ALS2: variants seen among roughly 807,000 people sequenced by gnomAD.
The protein encoded by ALS2 is alsin.
Under a neutral mutation model 203.4 loss-of-function variants are expected in ALS2, and 117 were observed. That is an observed-to-expected ratio of 0.58 (90% CI 0.50 to 0.67). The LOEUF (loss-of-function observed/expected upper bound fraction) is 0.67. ALS2 is among the 30% of genes least tolerant of loss of function. The pLI is 0.00. For missense variants in ALS2, 1,715 were observed against 1,989.4 expected (o/e 0.86, Z 2.62); for synonymous variants, 718 against 725.9 (o/e 0.99, Z 0.17).
intron 23 of ALS2, chr2:201,720,028 C>T (rs548720035): frequency 1.5e-5 from 5 of 343,770 alleles, no homozygotes; most frequent in Non-Finnish European, 2.8e-5. Flanking sequence ...GTGAATTCTC[C>T]CAAACATTCA....
At position 201,738,722 on chromosome 2, in the gene ALS2, T is replaced by C. The variant is rs1692046634; in HGVS notation, c.2365A>G (p.Ile789Val). 5.6e-6 allele frequency: 9 copies of C among 1,614,030 alleles called. No individual in the cohort carries two copies. Among genetic ancestry groups the C allele is most frequent in the East Asian group, 2.2e-5 (1 of 44,872 alleles). The change falls in exon 12 of 34, where the codon ATT becomes GTT. Residue 789 changes from isoleucine to valine, a missense_variant. Coordinates refer to ENST00000264276, the MANE Select transcript of ALS2 (RefSeq NM_020919.4). ...LDSYTEYCTS[I>V]TNFLVMGGFQ... is the part of the protein sequence containing the mutation. ...CCTCCCATAACCAGGAAATTTGTAA[T>C]AGATGTGCAATACCTTGAGCAGAAA...
At position 201,767,220 on chromosome 2, in the gene ALS2, T is replaced by C; in HGVS notation, c.175+9A>G. On this transcript the variant is annotated intron_variant, in intron 3 of 33. Coordinates refer to ENST00000264276, the MANE Select transcript of ALS2 (RefSeq NM_020919.4). ...CAGTTCGTATTTGTTACGCCATTCT[T>C]TTCATTACCTTCAGTCAGAAGAACT... 6.2e-7 allele frequency: 1 copy of C among 1,614,068 alleles called. No homozygotes were observed. Among genetic ancestry groups the C allele is most frequent in the South Asian group, 1.1e-5 (1 of 91,072 alleles).
chr2:201,757,832 G>A, intron 4 of ALS2, 73 bp from the exon 5 acceptor site: 1 of 1,195,254 alleles, frequency 8.4e-7, no homozygotes, highest in South Asian at 1.4e-5. Context: ...TAAAAAGAAA[G>A]GCTAATATCC....
chr2:201,705,299 GA>G, intron 30 of ALS2, 99 bp from the exon 31 acceptor site: 1 of 1,463,010 alleles, frequency 6.8e-7, no homozygotes, highest in Non-Finnish European at 9.6e-7. Flanking sequence ...GGTAATAACA[GA>G]TGCAAACACA....
chr2:201,726,614 A>G lies in ALS2; in HGVS notation c.3182+50T>C, dbSNP rs768383805. On this transcript the variant is annotated intron_variant, in intron 18 of 33. Coordinates refer to ENST00000264276, the MANE Select transcript of ALS2 (RefSeq NM_020919.4). ...ATTTCAGATAATTAATACTTTTTCT[A>G]TCATGTGATGATCATCCTCACCCCA... 5 of 1,608,850 alleles carry G rather than the reference A, an allele frequency of 3.1e-6. No individual in the cohort carries two copies. The Admixed American group carries it at 6.7e-5, about 21-fold the overall frequency.
chr2:201,710,060 G>T, intron 26 of ALS2, 22 bp from the exon 27 acceptor site: 1 of 1,613,224 alleles, frequency 6.2e-7, no homozygotes, highest in South Asian at 1.1e-5. Context: ...AAGAATCAAT[G>T]AAGTCAGTTG....
intron 28 of ALS2, among the ~76,000 whole-genome samples, chr2:201,707,239 A>T (rs918854056): frequency 6.6e-6 from 1 of 152,190 alleles, no homozygotes; most frequent in Non-Finnish European, 1.5e-5. Flanking sequence ...ATGAATTAAA[A>T]ATCTCACTGA....
intron 2 of ALS2, among the ~76,000 whole-genome samples, 164 bp from the exon 3 acceptor site, chr2:201,767,547 G>A (rs1016775088): frequency 6.6e-6 from 1 of 152,052 alleles, no homozygotes; most frequent in African/African-American, 2.4e-5. Context: ...CAGAAGCCAA[G>A]GTAAAACAAC....
chr2:201,735,412 TAATC>T (rs1691814938), intron 12 of ALS2, among the ~76,000 whole-genome samples: 1 of 152,180 alleles, frequency 6.6e-6, no homozygotes, highest in Non-Finnish European at 1.5e-5. Flanking sequence ...ACTTGCATAA[TAATC>T]AAACCACCAG....
intron 11 of ALS2, 52 bp downstream of exon 11, chr2:201,741,622 T>C: frequency 6.4e-7 from 1 of 1,572,552 alleles, no homozygotes; most frequent in Non-Finnish European, 8.7e-7. Context: ...GCTGTTCTCC[T>C]TGGCAGAATA....
intron 13 of ALS2, among the ~76,000 whole-genome samples, 169 bp from the exon 14 acceptor site, chr2:201,729,352 G>A (rs1006687065): frequency 3.9e-5 from 6 of 152,096 alleles, no homozygotes; most frequent in Admixed American, 6.5e-5. Flanking sequence ...ATTGGTTTCA[G>A]AAAAATTCTA....
At chr2:201,723,616 A>G (rs1368242220) in intron 21 of ALS2, among the ~76,000 whole-genome samples, 175 bp from the exon 22 acceptor site, 2 of 152,204 alleles carry the variant, frequency 1.3e-5, no homozygotes, top group African/African-American at 2.4e-5. Context: ...ATAGCAAAAG[A>G]CATCTCACTC....
Position 201,707,956 on chromosome 2 carries a change from G to T in ALS2, c.4316C>A (p.Thr1439Lys). The change falls in exon 28 of 34, where the codon ACA (threonine) becomes AAA (lysine). Residue 1439 changes from threonine to lysine, a missense_variant. Physicochemically the swap from Thr to Lys is moderately conservative, Grantham distance 78. Around this residue, in one of 3 missense-constraint regions of ALS2, gnomAD observed 1,227 missense variants for 1,413.5 expected, o/e 0.87. Coordinates refer to ENST00000264276, the MANE Select transcript of ALS2 (RefSeq NM_020919.4). ...LFPELPEEGS[T>K]IPLSAPLPTE... Reference sequence around the variant, plus strand: ...TGGCAGAGGAGCAGAGAGAGGAATTGTGCTGCCTTCTTCAGGCAGCTCAGG... The same window carrying T: ...TGGCAGAGGAGCAGAGAGAGGAATTTTGCTGCCTTCTTCAGGCAGCTCAGG... 6.2e-7 allele frequency: 1 copy of T among 1,613,332 alleles called. No homozygotes were observed. Among genetic ancestry groups the T allele is most frequent in the South Asian group, 1.1e-5 (1 of 91,048 alleles).
At chr2:201,775,718 T>G (rs138701192) in intron 1 of ALS2, among the ~76,000 whole-genome samples, 2 of 152,010 alleles carry the variant, frequency 1.3e-5, no homozygotes, top group Non-Finnish European at 2.9e-5. Flanking sequence ...ACAGAAAGCA[T>G]TGCCTGATAC....
At chr2:201,731,024 C>A (rs567797159) in intron 13 of ALS2, among the ~76,000 whole-genome samples, 1 of 152,300 alleles carries the variant, frequency 6.6e-6, no homozygotes, top group South Asian at 2.1e-4. Context: ...CAGGGGTCTG[C>A]AAACCAAGTT....
In ALS2 at chr2:201,701,110, C is replaced by T. The variant is rs547717659; in HGVS notation, c.*741G>A. The T allele has an allele frequency of 6.5e-6, 1 of 152,702 alleles. No individual in the cohort carries two copies. The highest frequency in any genetic ancestry group is 1.5e-5 in the Non-Finnish European group (1 of 68,018). 9.5% of individuals were successfully genotyped at this position (152,702 alleles called of 1,614,324 possible). A position where few individuals can be genotyped will look rare whatever the true frequency, so the allele number is the denominator to read the frequency against. On this transcript the variant is annotated 3_prime_UTR_variant, in exon 34 of 34. Coordinates refer to ENST00000264276, the MANE Select transcript of ALS2 (RefSeq NM_020919.4). ...AATGAGGTTCCTAGCAGCTCAGAGTCGGTGTCTGAATTCCAGTGTATTCAC... is the reference window on the plus strand; with the variant it reads ...AATGAGGTTCCTAGCAGCTCAGAGTTGGTGTCTGAATTCCAGTGTATTCAC...
chr2:201,705,157 T>C lies in ALS2; in HGVS notation c.4670A>G (p.Glu1557Gly). ...TKDACFASAVECLQQISTTFT... is the reference protein window; with the variant it reads ...TKDACFASAVGCLQQISTTFT... ...AGATTACCTGATCTGCTGCAGACAT[T>C]CTACTGCTGAGGCAAAACAAGCATC... The change falls in exon 31 of 34, where the codon GAA (glutamate) becomes GGA (glycine). Residue 1557 changes from glutamate (E) to glycine (G), a missense_variant. Transcript: ENST00000264276. The C allele has an allele frequency of 6.2e-7, 1 of 1,614,130 alleles. No individual in the cohort carries two copies. Among genetic ancestry groups the C allele is most frequent in the Non-Finnish European group, 8.5e-7 (1 of 1,179,990 alleles).
Position 201,746,580 on chromosome 2 carries a change from G to T in ALS2, c.1984C>A (p.Leu662Ile), listed in dbSNP as rs560107386. The change falls in exon 9 of 34, where the codon CTC (leucine) becomes ATC (isoleucine). Residue 662 changes from leucine to isoleucine, a missense_variant. Coordinates refer to ENST00000264276, the MANE Select transcript of ALS2 (RefSeq NM_020919.4). Reference protein sequence around the residue: ...NHSGSKTPVLLSCSKLGYISR... With the variant: ...NHSGSKTPVLISCSKLGYISR... ...TTCCTGTTCACCTTACTACAGGAGA[G>T]AAGTACTGGAGTCTTAGAACCACTG... 6.2e-7 allele frequency: 1 copy of T among 1,614,188 alleles called. No homozygotes were observed. The highest frequency in any genetic ancestry group is 2.2e-5 in the East Asian group (1 of 44,878).
At chr2:201,738,824 T>G in intron 11 of ALS2, 89 bp from the exon 12 acceptor site, 1 of 1,131,250 alleles carries the variant, frequency 8.8e-7, no homozygotes, top group Non-Finnish European at 1.3e-6. Context: ...AGATAATTCT[T>G]GATTATTTCA....
Sources: allele counts gnomAD v4.1 joint callset (sites outside exome capture counted in the v4.1 genomes callset), GRCh38; gene constraint gnomAD v4.1.1; regional missense constraint gnomAD v4.1.1; transcripts MANE v1.5; gene names NCBI Gene and HGNC (gene_info 2026-07-23, HGNC 2026-07-21).